CCDC138: variants seen among roughly 807,000 people sequenced by gnomAD.
CCDC138 encodes the protein coiled-coil domain-containing protein 138.
CCDC138 carries 66 observed loss-of-function variants against 82.3 expected under a neutral mutation model. That is an observed-to-expected ratio of 0.80 (90% CI 0.66 to 0.98). CCDC138 has a LOEUF of 0.98. Ranked by LOEUF, CCDC138 falls within the 50% of genes least tolerant of loss-of-function variation. CCDC138 has a pLI of 0.00. For missense variants in CCDC138, 816 were observed against 758.9 expected, an observed-to-expected ratio of 1.08 and a Z score of -0.88; for synonymous variants, 297 against 265.4, an observed-to-expected ratio of 1.12 and a Z score of -1.16.
At chr2:108,843,956 T>A (rs1308607666) in intron 11 of CCDC138, among the ~76,000 whole-genome samples, 1 of 130,504 alleles carries the variant, frequency 7.7e-6, no homozygotes, top group Non-Finnish European at 1.6e-5. Flanking sequence ...AGTGGCACAA[T>A]CACGGCTCAC....
chr2:108,869,311 A>G (rs557403577), intron 13 of CCDC138, among the ~76,000 whole-genome samples: 2 of 152,292 alleles, frequency 1.3e-5, no homozygotes, highest in Admixed American at 1.3e-4. Flanking sequence ...ACCCTACTCT[A>G]TCTCTGGCAC....
chr2:108,829,204 G>A (rs1574104633), intron 10 of CCDC138, among the ~76,000 whole-genome samples: 2 of 152,202 alleles, frequency 1.3e-5, no homozygotes, highest in Admixed American at 1.3e-4. Context: ...TCTCCAGAAT[G>A]GGAGGAAATA....
At chr2:108,825,776 TG>T (rs1686480660) in intron 10 of CCDC138, among the ~76,000 whole-genome samples, 1 of 152,188 alleles carries the variant, frequency 6.6e-6, no homozygotes, top group South Asian at 2.1e-4. Flanking sequence ...CACAAATTTT[TG>T]TATGCACATA....
chr2:108,793,438 C>T (rs895273424), intron 4 of CCDC138, among the ~76,000 whole-genome samples: 6 of 152,122 alleles, frequency 3.9e-5, no homozygotes, highest in African/African-American at 1.4e-4. Context: ...GCAAGGATAT[C>T]AAGCAAGAGG....
chr2:108,858,933 A>G (rs960736093), intron 13 of CCDC138, among the ~76,000 whole-genome samples: 1 of 152,164 alleles, frequency 6.6e-6, no homozygotes, highest in Non-Finnish European at 1.5e-5. Flanking sequence ...ATGGGCACCT[A>G]GGTTGATTCC....
At chr2:108,880,229 A>G (rs1244036237), downstream of CCDC138, among the ~76,000 whole-genome samples, 2 of 152,014 alleles carry the variant, frequency 1.3e-5, no homozygotes, top group Admixed American at 6.5e-5. Context: ...ACAAACAAAA[A>G]AAAAAACGAG....
chr2:108,843,876 G>GTGTGTGTGTT (rs1187530203), intron 11 of CCDC138, among the ~76,000 whole-genome samples: 392 of 13,860 alleles, frequency 0.028, 3 homozygotes, highest in African/African-American at 0.036. Context: ...GTGTGTGTGT[G>GTGTGTGTGTT]TGTTTCTTTC....
intron 12 of CCDC138, among the ~76,000 whole-genome samples, chr2:108,852,142 A>G (rs543724794): frequency 7.9e-4 from 121 of 152,350 alleles, no homozygotes; most frequent in African/African-American, 2.8e-3. Context: ...AGTTCATGAG[A>G]TGTCAATATT....
chr2:108,818,802 A>G (rs1424027152), intron 10 of CCDC138, among the ~76,000 whole-genome samples: 1 of 150,946 alleles, frequency 6.6e-6, no homozygotes, highest in African/African-American at 2.4e-5. Flanking sequence ...TTCAGAAATT[A>G]CCTTTGGAAA....
downstream of CCDC138, among the ~76,000 whole-genome samples, chr2:108,880,160 T>TA (rs1216570812): frequency 7.3e-6 from 1 of 137,798 alleles, no homozygotes; most frequent in African/African-American, 2.9e-5. Flanking sequence ...GAAAAGATAA[T>TA]AAAATTAATA....
intron 12 of CCDC138, among the ~76,000 whole-genome samples, chr2:108,853,906 A>G (rs1471672552): frequency 8.1e-6 from 1 of 122,980 alleles, no homozygotes; most frequent in Non-Finnish European, 1.6e-5. Flanking sequence ...TATATTATAT[A>G]TTATATAGTA....
chr2:108,876,093 A>G lies in CCDC138; in HGVS notation c.1838A>G (p.Asn613Ser). ...TGTATTCATTTTTTTTACAGGAGTA[A>G]TAAGAAGCTCTTTGAACTTTTTACG... ...ILQKLSKIKS[N>S]KKLFELFTIH... The change falls in exon 15 of 15, where the codon AAT (asparagine) becomes AGT (serine). Residue 613 changes from asparagine (N) to serine (S), a missense_variant. Physicochemically the swap from Asn to Ser is conservative, Grantham distance 46 (BLOSUM62 1). Coordinates refer to ENST00000295124, the MANE Select transcript of CCDC138 (RefSeq NM_144978.3). The G allele has an allele frequency of 6.3e-7, 1 of 1,584,178 alleles. No homozygotes were observed. The highest frequency in any genetic ancestry group is 8.7e-7 in the Non-Finnish European group (1 of 1,154,548).
chr2:108,804,031 A>G (rs1251441214), intron 6 of CCDC138, among the ~76,000 whole-genome samples: 2 of 152,296 alleles, frequency 1.3e-5, no homozygotes, highest in South Asian at 2.1e-4. Context: ...TCACAGGGCT[A>G]AAGAATGCTT....
At chr2:108,804,790 T>C in intron 6 of CCDC138, 99 bp from the exon 7 acceptor site, 1 of 1,156,274 alleles carries the variant, frequency 8.6e-7, no homozygotes, top group Non-Finnish European at 1.1e-6. Flanking sequence ...GTTTTTGTGA[T>C]TGAAGGAGTT....
intron 7 of CCDC138, 73 bp from the exon 8 acceptor site, chr2:108,812,558 T>C (rs1054184169): frequency 7.5e-6 from 8 of 1,065,486 alleles, no homozygotes; most frequent in Non-Finnish European, 1.2e-5. Flanking sequence ...GATTAGATAG[T>C]AGATTGGGAA....
At chr2:108,838,990 G>A (rs1689020218) in intron 10 of CCDC138, among the ~76,000 whole-genome samples, 195 bp from the exon 11 acceptor site, 1 of 152,134 alleles carries the variant, frequency 6.6e-6, no homozygotes. Flanking sequence ...CTGGATGAAA[G>A]AAAATGCATA....
chr2:108,831,097 C>T (rs898298964), intron 10 of CCDC138, among the ~76,000 whole-genome samples: 1 of 151,982 alleles, frequency 6.6e-6, no homozygotes, highest in Non-Finnish European at 1.5e-5. Flanking sequence ...ATCGCTTAAA[C>T]CCCGGAGGCA....
chr2:108,856,244 C>T (rs1692579873), intron 12 of CCDC138, among the ~76,000 whole-genome samples: 1 of 152,156 alleles, frequency 6.6e-6, no homozygotes, highest in Admixed American at 6.5e-5. Flanking sequence ...TGCTGCCATT[C>T]TTAATGGCAG....
chr2:108,816,164 G>A (rs960782972), intron 10 of CCDC138, 59 bp downstream of exon 10: 1 of 1,320,666 alleles, frequency 7.6e-7, no homozygotes, highest in Admixed American at 2.0e-5. Context: ...AAAAGGAAAA[G>A]CCAGGGCCAG....
Sources: allele counts gnomAD v4.1 joint callset (sites outside exome capture counted in the v4.1 genomes callset), GRCh38; gene constraint gnomAD v4.1.1; transcripts MANE v1.5; gene names NCBI Gene and HGNC (gene_info 2026-07-23, HGNC 2026-07-21).